GADL1: variants seen among roughly 807,000 people sequenced by gnomAD.
The protein encoded by GADL1 is acidic amino acid decarboxylase GADL1.
A neutral mutation model predicts 69.5 loss-of-function variants in GADL1; 71 were observed. The observed-to-expected ratio is 1.02, with a 90% CI of 0.84 to 1.25. The LOEUF (loss-of-function observed/expected upper bound fraction) is 1.25. GADL1 is among the 50% of genes most tolerant of loss of function. The pLI is 0.00. For synonymous variants in GADL1, 254 were observed against 214.4 expected (o/e 1.18, Z -1.62); for missense variants, 737 against 631.8 (o/e 1.17, Z -1.79).
intron 11 of GADL1, among the ~76,000 whole-genome samples, chr3:30,833,426 T>C (rs928642218): frequency 3.3e-5 from 5 of 152,082 alleles, no homozygotes; most frequent in Non-Finnish European, 7.4e-5. Context: ...AAACGGGCTG[T>C]TAAGCCCTAG....
At chr3:30,760,231 G>A (rs1398493146) in intron 14 of GADL1, among the ~76,000 whole-genome samples, 1 of 152,096 alleles carries the variant, frequency 6.6e-6, no homozygotes, top group African/African-American at 2.4e-5. Context: ...CTTCCTCGAG[G>A]TTCATCTCCT....
intron 8 of GADL1, among the ~76,000 whole-genome samples, chr3:30,840,746 A>G (rs1007598210): frequency 1.3e-5 from 2 of 152,226 alleles, no homozygotes; most frequent in Admixed American, 1.3e-4. Context: ...TTAAAAATAC[A>G]GGACCAGAAA....
chr3:30,740,397 A>T (rs1695599975), intron 14 of GADL1, among the ~76,000 whole-genome samples: 1 of 152,156 alleles, frequency 6.6e-6, no homozygotes, highest in Non-Finnish European at 1.5e-5. Context: ...TTCTTTCCCA[A>T]GTTGGGGAAG....
At chr3:30,855,739 G>A (rs1221692501) in intron 3 of GADL1, among the ~76,000 whole-genome samples, 1 of 151,960 alleles carries the variant, frequency 6.6e-6, no homozygotes, top group African/African-American at 2.4e-5. Flanking sequence ...AGAACAAAGA[G>A]GCAGGAGGTC....
intron 14 of GADL1, among the ~76,000 whole-genome samples, chr3:30,737,460 T>C (rs1413840954): frequency 1.3e-5 from 2 of 152,250 alleles, no homozygotes; most frequent in East Asian, 1.9e-4. Context: ...CAGGAAACAA[T>C]GAGCCTCTTA....
chr3:30,826,734 G>A (rs927711491), intron 11 of GADL1, among the ~76,000 whole-genome samples: 1 of 151,734 alleles, frequency 6.6e-6, no homozygotes, highest in Admixed American at 6.6e-5. Flanking sequence ...AGAAAAGCAA[G>A]TATCTCTTCT....
At chr3:30,735,741 G>T (rs1174732336) in intron 14 of GADL1, among the ~76,000 whole-genome samples, 1 of 152,230 alleles carries the variant, frequency 6.6e-6, no homozygotes, top group East Asian at 1.9e-4. Context: ...AATTCTGTTC[G>T]AAGCTGGGCC....
intron 1 of GADL1, among the ~76,000 whole-genome samples, chr3:30,875,155 C>T (rs547233842): frequency 1.3e-5 from 2 of 150,634 alleles, no homozygotes; most frequent in Non-Finnish European, 3.0e-5. Context: ...ATAAATATCA[C>T]TTCTGCTGTC....
chr3:30,802,289 C>G (rs1219971577), intron 11 of GADL1, among the ~76,000 whole-genome samples: 1 of 152,216 alleles, frequency 6.6e-6, no homozygotes, highest in Non-Finnish European at 1.5e-5. Context: ...GGAATCATTT[C>G]CTATCCATTG....
In GADL1 at chr3:30,760,693, G is replaced by A. The variant is rs146928475; in HGVS notation, c.1392+17486C>T. Among the ~76,000 whole-genome samples, 132 of 152,284 alleles carry A rather than the reference G, an allele frequency of 8.7e-4. 1 individual carries two copies. Among genetic ancestry groups the A allele is most frequent in the African/African-American group, 3.1e-3 (127 of 41,564 alleles). On this transcript the variant is annotated intron_variant, in intron 14 of 14. Transcript: ENST00000282538. ...TTTAGGCTAGTGAAGCTTCTAATTT[G>A]AAGGAATACTATTTGAAATCATTCT...
chr3:30,850,537 G>A (rs1698132352), intron 5 of GADL1, among the ~76,000 whole-genome samples: 1 of 152,100 alleles, frequency 6.6e-6, no homozygotes, highest in Non-Finnish European at 1.5e-5. Context: ...AGTAAAATTT[G>A]ATTTTAAAAT....
chr3:30,822,830 G>T (rs1697609362), intron 11 of GADL1, among the ~76,000 whole-genome samples: 1 of 151,752 alleles, frequency 6.6e-6, no homozygotes, highest in African/African-American at 2.4e-5. Context: ...CTAAATAATA[G>T]CATATGTTTG....
intron 11 of GADL1, among the ~76,000 whole-genome samples, chr3:30,817,549 T>C (rs538826495): frequency 9.7e-4 from 148 of 152,332 alleles, no homozygotes; most frequent in African/African-American, 3.4e-3. Context: ...AATCCTCTAA[T>C]GCTTGATGTT....
intron 14 of GADL1, among the ~76,000 whole-genome samples, chr3:30,738,963 T>C (rs1371793897): frequency 6.6e-6 from 1 of 152,200 alleles, no homozygotes; most frequent in Non-Finnish European, 1.5e-5. Context: ...GCAGCTACAA[T>C]TTTCTCTTTT....
chr3:30,801,093 G>C lies in GADL1; in HGVS notation c.1051-5C>G, dbSNP rs370380486. 6.3e-7 allele frequency: 1 copy of C among 1,578,760 alleles called. No individual in the cohort carries two copies. Among genetic ancestry groups the C allele is most frequent in the Non-Finnish European group, 8.6e-7 (1 of 1,156,422 alleles). Reference sequence around the variant, plus strand: ...GTAGCATTTTTTAAGAAGATCCTTCGAAAAAGAAAAGATTACAAGACTGTT... The same window carrying C: ...GTAGCATTTTTTAAGAAGATCCTTCCAAAAAGAAAAGATTACAAGACTGTT... On this transcript the variant is annotated splice_region_variant and splice_polypyrimidine_tract_variant and intron_variant, in intron 11 of 14. Transcript: ENST00000282538.
chr3:30,783,405 T>A (rs976097418), intron 13 of GADL1, among the ~76,000 whole-genome samples: 1 of 152,090 alleles, frequency 6.6e-6, no homozygotes, highest in African/African-American at 2.4e-5. Flanking sequence ...TTCTTGAAGA[T>A]GATTGAAAGT....
intron 13 of GADL1, among the ~76,000 whole-genome samples, chr3:30,778,531 G>A (rs1228823853): frequency 2.0e-5 from 3 of 152,158 alleles, no homozygotes; most frequent in Non-Finnish European, 4.4e-5. Context: ...GTTTGAAGCT[G>A]ACTCAACCCA....
chr3:30,892,970 C>T (rs902878802), intron 1 of GADL1, among the ~76,000 whole-genome samples: 10 of 152,204 alleles, frequency 6.6e-5, no homozygotes, highest in Non-Finnish European at 1.3e-4. Context: ...GATTCTCCTG[C>T]CTCAGCCTCT....
At chr3:30,893,631 T>C (rs1698815405) in intron 1 of GADL1, among the ~76,000 whole-genome samples, 1 of 152,164 alleles carries the variant, frequency 6.6e-6, no homozygotes, top group South Asian at 2.1e-4. Flanking sequence ...AGTACAAGTT[T>C]TAAAGTTTTT....
Sources: gnomAD v4.1 joint callset for allele counts (sites outside exome capture counted in the v4.1 genomes callset) on GRCh38, gnomAD v4.1.1 for gene constraint, MANE v1.5 for transcripts, NCBI Gene and HGNC (gene_info 2026-07-23, HGNC 2026-07-21) for gene names.